RASA2: variants seen among roughly 807,000 people sequenced by gnomAD.
The protein encoded by RASA2 is RAS p21 protein activator 2.
In RASA2, 155 loss-of-function variants were observed where a neutral mutation model predicts 118.2. The observed-to-expected ratio is 1.31, with a 90% CI of 1.15 to 1.50. RASA2 has a LOEUF of 1.50. Ranked by LOEUF, RASA2 falls within the 40% of genes most tolerant of loss-of-function variation. RASA2 has a pLI of 0.00. For missense variants in RASA2, 1,016 were observed against 1,009.6 expected, an observed-to-expected ratio of 1.01 and a Z score of -0.09; for synonymous variants, 353 against 349.1, an observed-to-expected ratio of 1.01 and a Z score of -0.12.
At chr3:141,541,927 G>A (rs2082410963) in intron 5 of RASA2, among the ~76,000 whole-genome samples, 1 of 151,792 alleles carries the variant, frequency 6.6e-6, no homozygotes, top group South Asian at 2.1e-4. Flanking sequence ...AGCATATGGT[G>A]AAAGTATCTG....
intron 3 of RASA2, among the ~76,000 whole-genome samples, chr3:141,517,951 G>A (rs1048474765): frequency 9.2e-5 from 14 of 151,810 alleles, no homozygotes; most frequent in Non-Finnish European, 1.5e-4. Context: ...CACTGCTCCC[G>A]GCCAATAAAT....
At chr3:141,495,541 A>G (rs911389524) in intron 1 of RASA2, among the ~76,000 whole-genome samples, 20 of 152,232 alleles carry the variant, frequency 1.3e-4, no homozygotes, top group African/African-American at 4.3e-4. Context: ...TAAAACATCA[A>G]TTTACAAAAA....
In RASA2 at chr3:141,571,485, T is replaced by C. The variant is rs1397875011; in HGVS notation, c.1100T>C (p.Leu367Pro). ...KNDAVLPLVRLLLHHDKLVPF... is the reference protein window; with the variant it reads ...KNDAVLPLVRPLLHHDKLVPF... ...GATGCTGTTTTGCCCCTTGTACGAC[T>C]GCTGCTGCACCATGATAAACTTGTT... The change falls in exon 11 of 24, where the codon CTG (leucine) becomes CCG (proline). Residue 367 changes from leucine to proline, a missense_variant. Leu to Pro is a moderately conservative substitution (Grantham distance 98, BLOSUM62 -3). Around this residue, in one of 2 missense-constraint regions of RASA2, gnomAD observed 896 missense variants for 836.4 expected, o/e 1.07. Coordinates refer to ENST00000286364, the MANE Select transcript of RASA2 (RefSeq NM_006506.5). 1 of 1,613,526 alleles carries C rather than the reference T, an allele frequency of 6.2e-7. No homozygotes were observed. The highest frequency in any genetic ancestry group is 8.5e-7 in the Non-Finnish European group (1 of 1,179,564).
intron 3 of RASA2, chr3:141,526,187 T>TA (rs1453745630): frequency 1.3e-5 from 2 of 152,086 alleles, no homozygotes; most frequent in Non-Finnish European, 2.9e-5. Flanking sequence ...AACAAGAAAA[T>TA]ATATAAGAAT....
intron 3 of RASA2, among the ~76,000 whole-genome samples, chr3:141,529,487 C>G (rs1373009995): frequency 6.6e-6 from 1 of 152,048 alleles, no homozygotes; most frequent in African/African-American, 2.4e-5. Flanking sequence ...TCCCCTGATT[C>G]AAAATGACCC....
At chr3:141,535,655 A>G (rs2082316484) in intron 4 of RASA2, among the ~76,000 whole-genome samples, 1 of 152,210 alleles carries the variant, frequency 6.6e-6, no homozygotes, top group Non-Finnish European at 1.5e-5. Flanking sequence ...GAAGCTTACA[A>G]TCATGGTGGA....
chr3:141,596,581 T>TA (rs2083371293), intron 19 of RASA2, among the ~76,000 whole-genome samples: 1 of 152,224 alleles, frequency 6.6e-6, no homozygotes, highest in South Asian at 2.1e-4. Context: ...GCAAAACGCT[T>TA]ATCTAATATA....
chr3:141,552,811 TG>T (rs2082594059), intron 5 of RASA2, among the ~76,000 whole-genome samples: 1 of 152,190 alleles, frequency 6.6e-6, no homozygotes, highest in South Asian at 2.1e-4. Context: ...ACCTGTGGGT[TG>T]TGGAGAGAAA....
chr3:141,492,153 G>A (rs2081646937), intron 1 of RASA2, among the ~76,000 whole-genome samples: 1 of 152,196 alleles, frequency 6.6e-6, no homozygotes, highest in African/African-American at 2.4e-5. Flanking sequence ...AGTTCATAGA[G>A]TTGTTTTTTT....
intron 19 of RASA2, among the ~76,000 whole-genome samples, chr3:141,605,724 T>C (rs2083537409): frequency 6.6e-6 from 1 of 152,100 alleles, no homozygotes; most frequent in African/African-American, 2.4e-5. Flanking sequence ...ATATGTCTCT[T>C]CTTCAGAGTG....
At chr3:141,529,944 T>C (rs2082237756) in intron 4 of RASA2, 142 bp downstream of exon 4, 2 of 619,006 alleles carry the variant, frequency 3.2e-6, no homozygotes, top group African/African-American at 3.7e-5. Context: ...TTTTGGGTAA[T>C]ATAGGACAGG....
At chr3:141,515,237 T>A (rs1246039830) in intron 2 of RASA2, among the ~76,000 whole-genome samples, 1 of 152,228 alleles carries the variant, frequency 6.6e-6, no homozygotes, top group Non-Finnish European at 1.5e-5. Flanking sequence ...TTTAATTTTT[T>A]AAAAATAGCT....
chr3:141,596,985 A>G (rs1171243533), intron 19 of RASA2, among the ~76,000 whole-genome samples: 1 of 152,260 alleles, frequency 6.6e-6, no homozygotes, highest in African/African-American at 2.4e-5. Flanking sequence ...GCCCACACAA[A>G]GAATCGGAGT....
chr3:141,495,481 T>G (rs1307362098), intron 1 of RASA2, among the ~76,000 whole-genome samples: 1 of 152,204 alleles, frequency 6.6e-6, no homozygotes, highest in Admixed American at 6.5e-5. Context: ...AAATGTCCAG[T>G]AAACATGAAA....
chr3:141,554,540 G>T (rs1560028123), intron 6 of RASA2, among the ~76,000 whole-genome samples: 1 of 152,118 alleles, frequency 6.6e-6, no homozygotes, highest in Non-Finnish European at 1.5e-5. Context: ...ACTTCATTAT[G>T]ATTTCTTTAA....
intron 1 of RASA2, among the ~76,000 whole-genome samples, chr3:141,510,709 C>T (rs2081938069): frequency 6.6e-6 from 1 of 152,094 alleles, no homozygotes; most frequent in Non-Finnish European, 1.5e-5. Context: ...AGGAGTGTAG[C>T]ATTCCAGACA....
intron 5 of RASA2, 120 bp from the exon 6 acceptor site, chr3:141,553,737 A>G: frequency 2.0e-6 from 3 of 1,472,532 alleles, no homozygotes; most frequent in East Asian, 2.3e-5. Flanking sequence ...TAGCCATACA[A>G]CTGCAGACAC....
At chr3:141,533,056 C>T (rs997600242) in intron 4 of RASA2, among the ~76,000 whole-genome samples, 3 of 152,118 alleles carry the variant, frequency 2.0e-5, no homozygotes, top group Non-Finnish European at 4.4e-5. Flanking sequence ...AGACATGTCT[C>T]TTCCTCTGCT....
chr3:141,580,402 CA>C lies in RASA2; in HGVS notation c.1630del (p.Thr544LeufsTer37), dbSNP rs1285024236. On this transcript the variant is annotated frameshift_variant, in exon 16 of 24. Transcript: ENST00000286364. LOFTEE classifies it high-confidence loss of function. The part of the protein sequence containing the change: ...AQTIRTLTLI[S>X]KTIQTLGSWG... ...ACAATTAGAACATTAACTCTCATCTCAAAAACTATACAAACTTTGGGAAGCT... is the reference window on the plus strand; with the variant it reads ...ACAATTAGAACATTAACTCTCATCTCAAAACTATACAAACTTTGGGAAGCT... The C allele has an allele frequency of 1.2e-6, 2 of 1,609,778 alleles. No homozygotes were observed. Among genetic ancestry groups the C allele is most frequent in the Non-Finnish European group, 8.5e-7 (1 of 1,177,248 alleles).
Sources: gnomAD v4.1 joint callset for allele counts (sites outside exome capture counted in the v4.1 genomes callset) on GRCh38, gnomAD v4.1.1 for gene constraint, gnomAD v4.1.1 regional missense constraint, MANE v1.5 for transcripts, NCBI Gene and HGNC (gene_info 2026-07-23, HGNC 2026-07-21) for gene names.